KDM2A: variants seen among roughly 807,000 people sequenced by gnomAD.
KDM2A encodes the protein lysine-specific demethylase 2A.
Under a neutral mutation model 137.3 loss-of-function variants are expected in KDM2A, and 3 were observed. That is an observed-to-expected ratio of 0.02 (90% CI 0.01 to 0.06). The LOEUF (loss-of-function observed/expected upper bound fraction) is 0.06, where lower values mean the gene tolerates loss of function less well. Ranked by LOEUF, KDM2A falls within the 10% of genes least tolerant of loss-of-function variation. The probability of loss-of-function intolerance (pLI) is 1.00; values close to 1 mark genes in which losing one functional copy is unlikely to be tolerated. For synonymous variants in KDM2A, 512 were observed against 541.5 expected (o/e 0.95, Z 0.76); for missense variants, 738 against 1,510.6 (o/e 0.49, Z 8.48).
At chr11:67,171,981 T>C (rs528965113) in intron 2 of KDM2A, among the ~76,000 whole-genome samples, 57 of 152,374 alleles carry the variant, frequency 3.7e-4, no homozygotes, top group African/African-American at 1.3e-3. Context: ...AGTTTTATAG[T>C]GAGTTCTTCA....
At chr11:67,127,802 G>C in intron 2 of KDM2A, among the ~76,000 whole-genome samples, 1 of 152,032 alleles carries the variant, frequency 6.6e-6, no homozygotes, top group East Asian at 1.9e-4. Context: ...CCCTCTCCTG[G>C]GTTCAAGCGA....
rs1565429792 is a variant in KDM2A at position 67,255,478 on chromosome 11, C to T, written c.*423C>T. ...AAGAAAACGGCCCTGTCTCCATGGC[C>T]AGGTTCTTGTGGTGTCCAGTGCGCG... On this transcript the variant is annotated 3_prime_UTR_variant, in exon 21 of 21. Coordinates refer to ENST00000529006, the MANE Select transcript of KDM2A (RefSeq NM_012308.3). 2.2e-6 allele frequency: 1 copy of T among 458,936 alleles called. No individual in the cohort carries two copies. Among genetic ancestry groups the T allele is most frequent in the African/African-American group, 2.0e-5 (1 of 50,248 alleles). The allele number at this position is 458,936 out of a possible 1,614,324, so 28.4% of individuals were successfully genotyped here.
In KDM2A at chr11:67,225,092, C is replaced by T. The variant is rs756226409; in HGVS notation, c.958-2945C>T. Among the ~76,000 whole-genome samples, 242 of 151,832 alleles carry T rather than the reference C, an allele frequency of 1.6e-3. No homozygotes were observed. The Middle Eastern group carries it at 0.02, about 13-fold the overall frequency. ...ATCCACTTGCCTTGGCCTCCCAAAG[C>T]GCTGGGATTACAGGTGTGAGCCATC... On this transcript the variant is annotated intron_variant, in intron 10 of 20. Coordinates refer to ENST00000529006, the MANE Select transcript of KDM2A (RefSeq NM_012308.3).
chr11:67,230,601 G>T (rs1858680415), intron 11 of KDM2A, among the ~76,000 whole-genome samples: 1 of 151,748 alleles, frequency 6.6e-6, no homozygotes, highest in East Asian at 1.9e-4. Flanking sequence ...ACTCCAGCCT[G>T]GGCAAAAGAG....
intron 15 of KDM2A, among the ~76,000 whole-genome samples, chr11:67,247,055 AT>A (rs1859249705): frequency 4.4e-5 from 1 of 22,644 alleles, no homozygotes; most frequent in African/African-American, 1.7e-4. Flanking sequence ...ATATATATAT[AT>A]ATATATATAT....
chr11:67,217,917 C>T, intron 9 of KDM2A, 33 bp downstream of exon 9: 2 of 1,532,248 alleles, frequency 1.3e-6, no homozygotes, highest in Non-Finnish European at 8.8e-7. Flanking sequence ...GTTATTTAGC[C>T]ATTTTTTTCC....
At chr11:67,165,743 T>C (rs991622773) in intron 2 of KDM2A, among the ~76,000 whole-genome samples, 13 of 152,142 alleles carry the variant, frequency 8.5e-5, no homozygotes, top group African/African-American at 2.9e-4. Context: ...AATTTCATGG[T>C]TTTTATCATT....
chr11:67,141,070 CCT>C (rs1480037881), intron 2 of KDM2A, among the ~76,000 whole-genome samples: 1 of 152,100 alleles, frequency 6.6e-6, no homozygotes, highest in Non-Finnish European at 1.5e-5. Context: ...AGTTTATCCC[CCT>C]CTCTTTGGAG....
chr11:67,194,299 C>G (rs1345099072), intron 5 of KDM2A, among the ~76,000 whole-genome samples: 3 of 152,148 alleles, frequency 2.0e-5, no homozygotes, highest in Non-Finnish European at 4.4e-5. Flanking sequence ...TGCTTTACCC[C>G]CAGCTGTCCC....
intron 6 of KDM2A, among the ~76,000 whole-genome samples, chr11:67,214,529 G>A (rs1858101590): frequency 6.6e-6 from 1 of 152,042 alleles, no homozygotes; most frequent in Admixed American, 6.6e-5. Flanking sequence ...AGTAGAGACG[G>A]GATTTCTCCA....
intron 2 of KDM2A, among the ~76,000 whole-genome samples, chr11:67,155,192 G>A (rs1053973470): frequency 9.3e-5 from 14 of 151,260 alleles, no homozygotes; most frequent in African/African-American, 2.7e-4. Flanking sequence ...TTTTTTGTAT[G>A]TTTTGTAGAG....
At chr11:67,234,854 A>G (rs537092737) in intron 12 of KDM2A, among the ~76,000 whole-genome samples, 5 of 152,238 alleles carry the variant, frequency 3.3e-5, no homozygotes, top group Non-Finnish European at 5.9e-5. Context: ...CCTTGTCTCA[A>G]AAAGAAAGTA....
chr11:67,157,025 G>T (rs922743239), intron 2 of KDM2A, among the ~76,000 whole-genome samples: 2 of 151,600 alleles, frequency 1.3e-5, no homozygotes, highest in Non-Finnish European at 2.9e-5. Flanking sequence ...TTAAAAGCTG[G>T]CTAATTGGCT....
In KDM2A at chr11:67,143,421, C is replaced by T. The variant is rs551355000; in HGVS notation, c.42+22063C>T. On this transcript the variant is annotated intron_variant, in intron 2 of 20. Coordinates refer to ENST00000529006, the MANE Select transcript of KDM2A (RefSeq NM_012308.3). ...TCTGAAAATTTCTTGGGAAGAAGCA[C>T]ATGCAGAAAAGTCCGTAAAACATAA... 5.3e-5 allele frequency: 8 copies of T among 152,076 alleles called. No homozygotes were observed. In the South Asian group the frequency reaches 1.7e-3, roughly 32 times the overall value. The allele number at this position is 152,076 out of a possible 1,614,324, so 9.4% of individuals were successfully genotyped here.
At chr11:67,194,193 T>C (rs1407898481) in intron 5 of KDM2A, among the ~76,000 whole-genome samples, 2 of 152,240 alleles carry the variant, frequency 1.3e-5, no homozygotes, top group East Asian at 1.9e-4. Flanking sequence ...GTTCTCTTTG[T>C]GTATCTCAGT....
At chr11:67,122,683 ATTTATTTT>A (rs1299157209) in intron 2 of KDM2A, among the ~76,000 whole-genome samples, 1 of 144,578 alleles carries the variant, frequency 6.9e-6, no homozygotes, top group Non-Finnish European at 1.5e-5. Flanking sequence ...TTATTTATTT[ATTTATTTT>A]TTGAGACAGA....
intron 2 of KDM2A, among the ~76,000 whole-genome samples, chr11:67,138,412 C>A (rs1291200442): frequency 2.0e-5 from 3 of 152,164 alleles, no homozygotes; most frequent in South Asian, 4.1e-4. Flanking sequence ...CTACAAGGTT[C>A]TTAGTTCTAA....
chr11:67,249,614 CAGTTTCTCAGA>C (rs1247254957), intron 16 of KDM2A, among the ~76,000 whole-genome samples: 1 of 152,124 alleles, frequency 6.6e-6, no homozygotes, highest in Non-Finnish European at 1.5e-5. Flanking sequence ...TGTAGCAACC[CAGTTTCTCAGA>C]GAGGTTCTTG....
At chr11:67,240,042 C>A (rs1858981197) in intron 12 of KDM2A, 2 of 1,307,558 alleles carry the variant, frequency 1.5e-6, no homozygotes, top group African/African-American at 1.5e-5. Context: ...CTCCTGCCAT[C>A]TTCCGTTGCA....
Sources: gnomAD v4.1 joint callset for allele counts (sites outside exome capture counted in the v4.1 genomes callset) on GRCh38, gnomAD v4.1.1 for gene constraint, MANE v1.5 for transcripts, NCBI Gene and HGNC (gene_info 2026-07-23, HGNC 2026-07-21) for gene names.